The following NIPBL variants were observed in gnomAD, a reference collection of about 807,000 sequenced individuals.
The protein encoded by NIPBL is NIPBL cohesin loading factor, also known as nipped-B-like protein.
Under a neutral mutation model 321.8 loss-of-function variants are expected in NIPBL, and 19 were observed. That is an observed-to-expected ratio of 0.06 (90% CI 0.04 to 0.09). The LOEUF is 0.09. Ranked by LOEUF, NIPBL falls within the 10% of genes least tolerant of loss-of-function variation. The pLI, the probability that NIPBL is intolerant of heterozygous loss-of-function variation, is 1.00. For synonymous variants in NIPBL, 1,106 were observed against 1,114.1 expected (o/e 0.99, Z 0.14); for missense variants, 2,210 against 3,327.0 (o/e 0.66, Z 8.26).
intron 45 of NIPBL, among the ~76,000 whole-genome samples, chr5:37,061,760 C>T (rs897737522): frequency 1.1e-4 from 16 of 152,226 alleles, no homozygotes; most frequent in African/African-American, 3.9e-4. Context: ...TTCTAGATTA[C>T]TTATAATACC....
intron 9 of NIPBL, among the ~76,000 whole-genome samples, chr5:36,981,574 A>G (rs1744143463): frequency 6.6e-6 from 1 of 151,708 alleles, no homozygotes; most frequent in Non-Finnish European, 1.5e-5. Context: ...AGTGTCTCTA[A>G]TTACATAAAT....
chr5:36,884,063 C>T (rs924029084), intron 1 of NIPBL, among the ~76,000 whole-genome samples: 6 of 152,048 alleles, frequency 3.9e-5, no homozygotes, highest in Non-Finnish European at 7.4e-5. Context: ...GTGTTTATTC[C>T]ATAACGTTAC....
chr5:36,957,836 A>G (rs1306429493), intron 3 of NIPBL, among the ~76,000 whole-genome samples: 1 of 152,112 alleles, frequency 6.6e-6, no homozygotes, highest in African/African-American at 2.4e-5. Flanking sequence ...TACAAAAATT[A>G]GCTGGGCGTG....
intron 6 of NIPBL, among the ~76,000 whole-genome samples, chr5:36,970,127 A>G (rs1334283548): frequency 6.6e-6 from 1 of 152,062 alleles, no homozygotes; most frequent in Non-Finnish European, 1.5e-5. Context: ...GCTCACATCT[A>G]CCTGTAATCC....
chr5:36,980,589 T>A (rs888357408), intron 9 of NIPBL, among the ~76,000 whole-genome samples: 1 of 151,602 alleles, frequency 6.6e-6, no homozygotes, highest in Non-Finnish European at 1.5e-5. Context: ...CCTACAGTAT[T>A]CAGTATAGTA....
chr5:36,885,962 G>C, intron 1 of NIPBL: 1 of 732,198 alleles, frequency 1.4e-6, no homozygotes, highest in South Asian at 1.4e-5. Context: ...AGACATACAG[G>C]CCCAATACGA....
At chr5:36,966,269 T>C (rs769695617) in intron 6 of NIPBL, among the ~76,000 whole-genome samples, 9 of 152,098 alleles carry the variant, frequency 5.9e-5, no homozygotes, top group Non-Finnish European at 1.0e-4. Flanking sequence ...TAATTTTTGG[T>C]TTTTGAAGAG....
chr5:37,038,278 T>C (rs1316958369), intron 33 of NIPBL, among the ~76,000 whole-genome samples: 2 of 152,096 alleles, frequency 1.3e-5, no homozygotes, highest in Non-Finnish European at 2.9e-5. Context: ...GTGTGAGCCA[T>C]CACACACAGC....
At chr5:36,974,395 TATA>T (rs1743213017) in intron 8 of NIPBL, among the ~76,000 whole-genome samples, 1 of 152,192 alleles carries the variant, frequency 6.6e-6, no homozygotes, top group Non-Finnish European at 1.5e-5. Flanking sequence ...CTAAAGTGTA[TATA>T]ATTTGCCACA....
intron 9 of NIPBL, among the ~76,000 whole-genome samples, chr5:36,977,049 C>G (rs1241587236): frequency 6.6e-6 from 1 of 151,896 alleles, no homozygotes; most frequent in Non-Finnish European, 1.5e-5. Flanking sequence ...ATGAGCTTTC[C>G]TTGCGCTTCA....
chr5:37,014,841 T>A, intron 22 of NIPBL, 76 bp downstream of exon 22: 1 of 869,496 alleles, frequency 1.2e-6, no homozygotes, highest in Non-Finnish European at 2.0e-6. Context: ...AAAAGATGAA[T>A]CCAATTTCCT....
chr5:36,985,150 G>T lies in NIPBL; in HGVS notation c.1970G>T (p.Arg657Ile). The T allele has an allele frequency of 6.2e-7, 1 of 1,613,792 alleles. No individual in the cohort carries two copies. The highest frequency in any genetic ancestry group is 1.3e-5 in the African/African-American group (1 of 74,998). The change falls in exon 10 of 47, where the codon AGA becomes ATA. Residue 657 changes from arginine (R) to isoleucine (I), a missense_variant. Around this residue, in one of 14 missense-constraint regions of NIPBL, gnomAD observed 588 missense variants for 564.1 expected, o/e 1.04. Coordinates refer to ENST00000282516, the MANE Select transcript of NIPBL (RefSeq NM_133433.4). ...QTEELKQNES[R>I]TTECKQNEST... ...GAAGAACTTAAACAGAATGAGAGCA[G>T]AACAACTGAATGCAAACAAAACGAG... is the stretch of plus-strand genomic sequence containing the variant.
At chr5:36,888,199 T>G (rs1162998709) in intron 1 of NIPBL, among the ~76,000 whole-genome samples, 1 of 152,168 alleles carries the variant, frequency 6.6e-6, no homozygotes, top group African/African-American at 2.4e-5. Flanking sequence ...TACTTTTTGC[T>G]TCTATGCTTG....
chr5:36,929,175 T>C (rs1749587417), intron 1 of NIPBL, among the ~76,000 whole-genome samples: 1 of 152,142 alleles, frequency 6.6e-6, no homozygotes, highest in African/African-American at 2.4e-5. Context: ...TAGTGTCTTT[T>C]TTTATAACAT....
At chr5:36,886,211 A>G in intron 1 of NIPBL, 1 of 657,356 alleles carries the variant, frequency 1.5e-6, no homozygotes, top group Admixed American at 2.1e-5. Context: ...CTGCAGGTAG[A>G]GCAGCTCAAC....
At chr5:37,043,986 T>G (rs968810157) in intron 34 of NIPBL, among the ~76,000 whole-genome samples, 43 of 152,220 alleles carry the variant, frequency 2.8e-4, no homozygotes, top group African/African-American at 1.0e-3. Flanking sequence ...TGAGAACTAC[T>G]GGGTTAACAT....
rs1246476225 is a variant in NIPBL at position 36,961,592 on chromosome 5, T to C, written c.458+9T>C. On this transcript the variant is annotated intron_variant, in intron 5 of 46. Transcript: ENST00000282516. ...TCACATAGCCCCTCCAGGTAATATA[T>C]GTATATATCGTTTATTAAATATTGT... 3 of 1,452,500 alleles carry C rather than the reference T, an allele frequency of 2.1e-6. No individual in the cohort carries two copies. Among genetic ancestry groups the C allele is most frequent in the Non-Finnish European group, 1.9e-6 (2 of 1,032,654 alleles). The allele number at this position is 1,452,500 out of a possible 1,614,324, so 90.0% of individuals were successfully genotyped here.
intron 6 of NIPBL, among the ~76,000 whole-genome samples, chr5:36,968,793 A>G (rs1742528391): frequency 6.6e-6 from 1 of 152,228 alleles, no homozygotes; most frequent in African/African-American, 2.4e-5. Flanking sequence ...ATGAATGCCT[A>G]TAATGACATT....
At chr5:36,945,504 A>G (rs532126251) in intron 1 of NIPBL, among the ~76,000 whole-genome samples, 2 of 149,882 alleles carry the variant, frequency 1.3e-5, no homozygotes, top group Admixed American at 1.4e-4. Flanking sequence ...TAGTGTAAAT[A>G]TATCCTTCTA....
Sources: allele counts gnomAD v4.1 joint callset (sites outside exome capture counted in the v4.1 genomes callset), GRCh38; gene constraint gnomAD v4.1.1; regional missense constraint gnomAD v4.1.1; transcripts MANE v1.5; gene names NCBI Gene and HGNC (gene_info 2026-07-23, HGNC 2026-07-21).